CRIM1: variants seen among roughly 807,000 people sequenced by gnomAD.
The protein encoded by CRIM1 is cysteine-rich motor neuron 1 protein.
Under a neutral mutation model 116.4 loss-of-function variants are expected in CRIM1, and 32 were observed. The ratio of observed to expected loss-of-function variants is 0.27; its 90% CI spans 0.21 to 0.37. The LOEUF (loss-of-function observed/expected upper bound fraction) is 0.37. Among genes scored for constraint, CRIM1 ranks in the 10% least tolerant of loss-of-function variants. The pLI, the probability that CRIM1 is intolerant of heterozygous loss-of-function variation, is 1.00. For missense variants in CRIM1, 1,331 were observed against 1,354.8 expected, an observed-to-expected ratio of 0.98 and a Z score of 0.28; for synonymous variants, 590 against 509.2, an observed-to-expected ratio of 1.16 and a Z score of -2.13.
At chr2:36,396,898 T>A in intron 2 of CRIM1, 111 bp downstream of exon 2, 1 of 913,518 alleles carries the variant, frequency 1.1e-6, no homozygotes, top group Non-Finnish European at 1.7e-6. Context: ...CAGAGAGTGG[T>A]AGTTTGTATA....
intron 2 of CRIM1, among the ~76,000 whole-genome samples, chr2:36,432,844 T>G (rs576407266): frequency 6.6e-6 from 1 of 152,122 alleles, no homozygotes; most frequent in Non-Finnish European, 1.5e-5. Flanking sequence ...TCTGTTTAAT[T>G]GGAATTGGTC....
intron 13 of CRIM1, among the ~76,000 whole-genome samples, chr2:36,537,122 CTGCCGGTTGTGGTAGTGACCACCCTG>C (rs1442603913): frequency 1.3e-5 from 2 of 152,192 alleles, no homozygotes; most frequent in African/African-American, 4.8e-5. Flanking sequence ...GTACCATTCC[CTGCCGGTTGTGGTAGTGACCACCCTG>C]TGCTAGCCTC....
intron 8 of CRIM1, among the ~76,000 whole-genome samples, chr2:36,502,894 G>A (rs1250328356): frequency 2.0e-5 from 3 of 152,120 alleles, no homozygotes; most frequent in Non-Finnish European, 2.9e-5. Flanking sequence ...TCCCTTTGAG[G>A]TCTTGCTATT....
intron 2 of CRIM1, among the ~76,000 whole-genome samples, chr2:36,424,681 T>C (rs933740701): frequency 2.0e-5 from 3 of 152,172 alleles, no homozygotes; most frequent in Non-Finnish European, 2.9e-5. Context: ...AAAACCCTGA[T>C]AAAAATTTCT....
intron 7 of CRIM1, among the ~76,000 whole-genome samples, chr2:36,495,532 T>C (rs1051333270): frequency 5.3e-5 from 8 of 150,690 alleles, no homozygotes; most frequent in Non-Finnish European, 1.0e-4. Flanking sequence ...ACTATGATTC[T>C]AGATTCTTTA....
intron 11 of CRIM1, among the ~76,000 whole-genome samples, chr2:36,516,832 T>C (rs2125120265): frequency 6.6e-6 from 1 of 152,348 alleles, no homozygotes; most frequent in East Asian, 1.9e-4. Context: ...ACCATAGACT[T>C]GGGTTGCAGT....
At chr2:36,513,426 C>A (rs1264543195) in intron 10 of CRIM1, 130 bp from the exon 11 acceptor site, 4 of 692,194 alleles carry the variant, frequency 5.8e-6, no homozygotes, top group African/African-American at 1.8e-5. Flanking sequence ...ATGAACATGT[C>A]CCATGTCACA....
intron 2 of CRIM1, among the ~76,000 whole-genome samples, chr2:36,418,855 GC>G (rs1310464373): frequency 5.9e-5 from 9 of 152,224 alleles, no homozygotes; most frequent in East Asian, 5.8e-4. Flanking sequence ...TAACCCCTAG[GC>G]ACCTTCCTTG....
intron 13 of CRIM1, among the ~76,000 whole-genome samples, chr2:36,527,870 T>G (rs2125143213): frequency 6.6e-6 from 1 of 152,290 alleles, no homozygotes; most frequent in East Asian, 1.9e-4. Context: ...GTGTATTTTC[T>G]TAAAATTAAA....
chr2:36,471,898 TTGTG>T (rs1196032112), intron 5 of CRIM1, among the ~76,000 whole-genome samples: 1 of 152,192 alleles, frequency 6.6e-6, no homozygotes, highest in Non-Finnish European at 1.5e-5. Flanking sequence ...GCCAAAAAGT[TTGTG>T]TGACTTGCTT....
At chr2:36,480,430 G>A (rs1679319491) in intron 7 of CRIM1, among the ~76,000 whole-genome samples, 1 of 151,950 alleles carries the variant, frequency 6.6e-6, no homozygotes, top group Admixed American at 6.6e-5. Context: ...TCTAATAGAG[G>A]GTATCCAGCA....
intron 15 of CRIM1, among the ~76,000 whole-genome samples, chr2:36,545,646 C>T (rs180749860): frequency 2.8e-4 from 43 of 152,124 alleles, no homozygotes; most frequent in African/African-American, 9.9e-4. Context: ...CTACAAAGCT[C>T]AAAGCTAACT....
At chr2:36,383,310 A>C (rs914433732) in intron 1 of CRIM1, among the ~76,000 whole-genome samples, 1 of 152,232 alleles carries the variant, frequency 6.6e-6, no homozygotes, top group Admixed American at 6.5e-5. Context: ...CTTGACTGCT[A>C]TGTTTTAAAA....
intron 5 of CRIM1, among the ~76,000 whole-genome samples, chr2:36,473,419 C>T (rs1189529132): frequency 6.6e-6 from 1 of 152,108 alleles, no homozygotes; most frequent in East Asian, 1.9e-4. Context: ...CTGTTGTTTT[C>T]AGTGTATGCT....
intron 4 of CRIM1, among the ~76,000 whole-genome samples, chr2:36,453,664 A>G (rs1047006981): frequency 6.6e-6 from 1 of 152,270 alleles, no homozygotes; most frequent in African/African-American, 2.4e-5. Context: ...AATAAAATAT[A>G]GTCGCTGATG....
At chr2:36,416,707 T>C (rs905924923) in intron 2 of CRIM1, among the ~76,000 whole-genome samples, 3 of 152,232 alleles carry the variant, frequency 2.0e-5, no homozygotes, top group African/African-American at 7.2e-5. Flanking sequence ...GAAAGTCATA[T>C]TTGCTGTGTG....
At position 36,424,766 on chromosome 2, in the gene CRIM1, G is replaced by T. The variant is rs575261437; in HGVS notation, c.506-16492G>T. Among the ~76,000 whole-genome samples, 1,228 of 152,090 alleles carry T rather than the reference G, an allele frequency of 8.1e-3. 6 individuals are homozygous for T. Among genetic ancestry groups the T allele is most frequent in the Middle Eastern group, 0.014 (4 of 294 alleles). ...CCTTTCTCTAGTCACAATCCTTTTT[G>T]TTCCTGCCACTCATGAGCCTCAATG... On this transcript the variant is annotated intron_variant, in intron 2 of 16. Transcript: ENST00000280527.
At chr2:36,508,113 T>C (rs1681557050) in intron 8 of CRIM1, among the ~76,000 whole-genome samples, 1 of 152,236 alleles carries the variant, frequency 6.6e-6, no homozygotes, top group South Asian at 2.1e-4. Flanking sequence ...TCAAGTCATA[T>C]AATTACAAAT....
intron 2 of CRIM1, among the ~76,000 whole-genome samples, chr2:36,414,386 CT>C (rs1673443152): frequency 6.6e-6 from 1 of 152,220 alleles, no homozygotes; most frequent in Non-Finnish European, 1.5e-5. Flanking sequence ...CAAATGCCTA[CT>C]TAGTTTTCCT....
Sources: allele counts gnomAD v4.1 joint callset (sites outside exome capture counted in the v4.1 genomes callset), GRCh38; gene constraint gnomAD v4.1.1; transcripts MANE v1.5; gene names NCBI Gene and HGNC (gene_info 2026-07-23, HGNC 2026-07-21).